Variants in SERPINA9 observed in about 807,000 individuals in gnomAD.
The protein encoded by SERPINA9 is serpin A9.
In SERPINA9, 32 loss-of-function variants were observed where a neutral mutation model predicts 24.5. The ratio of observed to expected loss-of-function variants is 1.30; its 90% CI spans 0.98 to 1.75. The LOEUF (loss-of-function observed/expected upper bound fraction) is 1.75. Among genes scored for constraint, SERPINA9 ranks in the 40% most tolerant of loss-of-function variants. The probability of loss-of-function intolerance (pLI) is 0.00; values close to 1 mark genes in which losing one functional copy is unlikely to be tolerated. For synonymous variants in SERPINA9, 233 were observed against 197.7 expected (o/e 1.18, Z -1.50); for missense variants, 594 against 497.1 (o/e 1.19, Z -1.85).
intron 1 of SERPINA9, among the ~76,000 whole-genome samples, chr14:94,473,014 T>C (rs1341780683): frequency 6.6e-6 from 1 of 152,180 alleles, no homozygotes; most frequent in African/African-American, 2.4e-5. Flanking sequence ...CTTGGTTCTG[T>C]GCCCTGGAAC....
At position 94,471,140 on chromosome 14, in the gene SERPINA9, A is replaced by G. The variant is rs535741580; in HGVS notation, c.-17-1283T>C. The stretch of plus-strand genomic sequence containing the variant: ...TCCTTTTCACAAGCACAGTGCCTTC[A>G]TAATCCCCCTTGCCCTTCATCAGAC... On this transcript the variant is annotated intron_variant, in intron 1 of 4. Coordinates refer to ENST00000674397, the MANE Select transcript of SERPINA9 (RefSeq NM_175739.4). Among the ~76,000 whole-genome samples, 34 of 140,142 alleles carry G rather than the reference A, an allele frequency of 2.4e-4. No homozygotes were observed. In the East Asian group the frequency reaches 5.6e-3, roughly 23 times the overall value. 91.9% of individuals were successfully genotyped at this position (140,142 alleles called of 152,430 possible).
At chr14:94,468,690 A>G (rs1209211591) in intron 2 of SERPINA9, among the ~76,000 whole-genome samples, 3 of 152,232 alleles carry the variant, frequency 2.0e-5, no homozygotes, top group Admixed American at 6.5e-5. Context: ...AAGCTCTAAC[A>G]TATATCTACA....
intron 1 of SERPINA9, among the ~76,000 whole-genome samples, chr14:94,474,969 C>T (rs180820672): frequency 6.6e-6 from 1 of 152,256 alleles, no homozygotes; most frequent in East Asian, 1.9e-4. Flanking sequence ...CATTCAAGAG[C>T]TTTATTTATT....
At position 94,468,109 on chromosome 14, in the gene SERPINA9, GGATAGTTTGGT is replaced by G. The variant is rs547718711; in HGVS notation, c.629-738_629-728del. ...ATGAATGACAGATGGATAAATGGGT[GGATAGTTTGGT>G]GAATGGGCAGATATAGGGTGGATAG... is the stretch of plus-strand genomic sequence containing the variant. On this transcript the variant is annotated intron_variant, in intron 2 of 4. Transcript: ENST00000674397. Among the ~76,000 whole-genome samples the G allele has an allele frequency of 4.6e-5, 7 of 152,076 alleles. No individual in the cohort carries two copies. The East Asian group carries it at 1.4e-3, about 29-fold the overall frequency.
Position 94,469,526 on chromosome 14 carries a change from T to C in SERPINA9, c.315A>G (p.Thr105=). Residue 105 remains threonine, a synonymous_variant, in exon 2 of 5, where the codon ACA becomes ACG. Transcript: ENST00000674397. ...LQGLGFNLTH[T]PESAIHQGFQ... is the part of the protein sequence containing the mutation. ...AGCCCTGGTGGATGGCAGACTCTGG[T>C]GTGTGTGTGAGGTTGAAGCCCAGGC... The C allele has an allele frequency of 6.8e-6, 11 of 1,613,848 alleles. No individual in the cohort carries two copies. The highest frequency in any genetic ancestry group is 1.6e-4 in the Middle Eastern group (1 of 6,062).
Position 94,463,150 on chromosome 14 carries a change from A to C in SERPINA9, c.1197T>G (p.Asn399Lys), listed in dbSNP as rs1898821806. 6.2e-7 allele frequency: 1 copy of C among 1,614,060 alleles called. No individual in the cohort carries two copies. Among genetic ancestry groups the C allele is most frequent in the Non-Finnish European group, 8.5e-7 (1 of 1,180,024 alleles). Residue 399 changes from asparagine to lysine, a missense_variant, in exon 5 of 5, where the codon AAT (asparagine) becomes AAG (lysine). Asn to Lys is a moderately conservative substitution (Grantham distance 94). Coordinates refer to ENST00000674397, the MANE Select transcript of SERPINA9 (RefSeq NM_175739.4). The part of the protein sequence containing the change: ...FNRTFLMMIT[N>K]KATDGILFLG... ...GAAAGAGAATACCGTCTGTGGCTTT[A>C]TTTGTAATCATCATCAGGAAGGTCC... is the stretch of plus-strand genomic sequence containing the variant.
At chr14:94,466,704 C>T (rs1899019650) in intron 3 of SERPINA9, among the ~76,000 whole-genome samples, 1 of 152,182 alleles carries the variant, frequency 6.6e-6, no homozygotes, top group Admixed American at 6.5e-5. Flanking sequence ...TACCTTTTCA[C>T]CAACCTTTGG....
At chr14:94,471,400 C>A (rs1276042615) in intron 1 of SERPINA9, among the ~76,000 whole-genome samples, 1 of 152,070 alleles carries the variant, frequency 6.6e-6, no homozygotes, top group Non-Finnish European at 1.5e-5. Flanking sequence ...CTATGTCAGA[C>A]CAAGCATAAT....
chr14:94,476,178 G>T lies in SERPINA9; in HGVS notation c.-60C>A, dbSNP rs1899642721. 6 of 1,614,064 alleles carry T rather than the reference G, an allele frequency of 3.7e-6. No individual in the cohort carries two copies. Among genetic ancestry groups the T allele is most frequent in the Non-Finnish European group, 5.1e-6 (6 of 1,180,022 alleles). ...CTCCTGCCCTGTCCTTGCATGGTTGGTGAGCCCTGACACTTGCTTACTTGG... is the reference window on the plus strand; with the variant it reads ...CTCCTGCCCTGTCCTTGCATGGTTGTTGAGCCCTGACACTTGCTTACTTGG... On this transcript the variant is annotated 5_prime_UTR_variant, in exon 1 of 5. Coordinates refer to ENST00000674397, the MANE Select transcript of SERPINA9 (RefSeq NM_175739.4).
chr14:94,464,763 C>T lies in SERPINA9; in HGVS notation c.994G>A (p.Asp332Asn). 1 of 1,613,644 alleles carries T rather than the reference C, an allele frequency of 6.2e-7. No homozygotes were observed. The highest frequency in any genetic ancestry group is 2.2e-5 in the East Asian group (1 of 44,868). The stretch of plus-strand genomic sequence containing the variant: ...ATTCCAGAAAAATCAGCATTTTTGT[C>T]AAAGACATTTTGGATGCCCATCTTC... ...LPKMGIQNVF[D>N]KNADFSGIAK... Residue 332 changes from aspartate (D) to asparagine (N), a missense_variant, in exon 4 of 5, where the codon GAC (aspartate) becomes AAC (asparagine). Transcript: ENST00000674397.
At chr14:94,465,092 A>G (rs933299240) in intron 3 of SERPINA9, among the ~76,000 whole-genome samples, 5 of 152,338 alleles carry the variant, frequency 3.3e-5, no homozygotes, top group African/African-American at 1.2e-4. Context: ...AAGTGGGTGC[A>G]GAGGTGAAAA....
intron 2 of SERPINA9, among the ~76,000 whole-genome samples, chr14:94,467,841 A>G (rs961483070): frequency 5.9e-5 from 9 of 151,528 alleles, no homozygotes; most frequent in Non-Finnish European, 1.2e-4. Flanking sequence ...CGATAGAGGG[A>G]TAGATAGATG....
Position 94,463,178 on chromosome 14 carries a change from T to C in SERPINA9, c.1169A>G (p.Asn390Ser), listed in dbSNP as rs1566788950. ...TGTAATCATCATCAGGAAGGTCCTA[T>C]TGAAGGAGACAGTGAAGTAAGAGGG... Reference protein sequence around the residue: ...DGPSYFTVSFNRTFLMMITNK... With the variant: ...DGPSYFTVSFSRTFLMMITNK... The change falls in exon 5 of 5, where the codon AAT becomes AGT. Residue 390 changes from asparagine to serine, a missense_variant. By Grantham distance (46) the Asn-to-Ser change is conservative. Coordinates refer to ENST00000674397, the MANE Select transcript of SERPINA9 (RefSeq NM_175739.4). 3.1e-6 allele frequency: 5 copies of C among 1,614,154 alleles called. No individual in the cohort carries two copies. The highest frequency in any genetic ancestry group is 4.2e-6 in the Non-Finnish European group (5 of 1,179,958).
chr14:94,464,308 T>TCTCTCC lies in SERPINA9; in HGVS notation c.1050+398_1050+399insGGAGAG, dbSNP rs1555374544. On this transcript the variant is annotated intron_variant, in intron 4 of 4. Transcript: ENST00000674397. Reference sequence around the variant, plus strand: ...CTCTCTCTCTCTCTCTCTCTCTCTCTCTCTCTCTCTCCTTACACACTGAAG... The same window carrying TCTCTCC: ...CTCTCTCTCTCTCTCTCTCTCTCTCTCTCTCCCTCTCTCTCTCCTTACACACTGAAG... 427 of 84,808 alleles carry TCTCTCC rather than the reference T, an allele frequency of 5.0e-3. 23 individuals carry two copies. Among genetic ancestry groups the TCTCTCC allele is most frequent in the African/African-American group, 0.014 (374 of 25,858 alleles). 5.3% of individuals were successfully genotyped at this position (84,808 alleles called of 1,614,324 possible).
chr14:94,470,876 A>C (rs543863137), intron 1 of SERPINA9, among the ~76,000 whole-genome samples: 1 of 152,254 alleles, frequency 6.6e-6, no homozygotes, highest in African/African-American at 2.4e-5. Flanking sequence ...ATTTCCTTTA[A>C]CACAACTTTA....
At chr14:94,467,036 C>A in intron 3 of SERPINA9, 73 bp downstream of exon 3, 1 of 1,516,436 alleles carries the variant, frequency 6.6e-7, no homozygotes. Context: ...CAGCTGTTAG[C>A]ACAATCTCTC....
In SERPINA9 at chr14:94,469,937, C is replaced by T. The variant is rs1029340522; in HGVS notation, c.-17-80G>A. ...TCAGAGACCCTTTAACACCCCCACG[C>T]CATCAGCAGCAGAATGAGGACAGAT... is the stretch of plus-strand genomic sequence containing the variant. On this transcript the variant is annotated intron_variant, in intron 1 of 4. Transcript: ENST00000674397. 14 of 1,171,428 alleles carry T rather than the reference C, an allele frequency of 1.2e-5. No homozygotes were observed. The African/African-American group carries it at 2.1e-4, about 18-fold the overall frequency. 72.6% of individuals were successfully genotyped at this position (1,171,428 alleles called of 1,614,324 possible).
chr14:94,464,664 C>T (rs764742015), intron 4 of SERPINA9, 43 bp downstream of exon 4: 28 of 1,521,232 alleles, frequency 1.8e-5, no homozygotes, highest in Non-Finnish European at 2.3e-5. Flanking sequence ...TCTGCAGGTG[C>T]TTCCAGCTTG....
rs200105282 is a variant in SERPINA9 at position 94,464,719 on chromosome 14, C to T, written c.1038G>A (p.Leu346=). Reference sequence around the variant, plus strand: ...TCATTCAACTCACTTTAGAAACCTGCAGGGAGTCTCTCTTTGCAATTCCAG... The same window carrying T: ...TCATTCAACTCACTTTAGAAACCTGTAGGGAGTCTCTCTTTGCAATTCCAG... ...DFSGIAKRDS[L]QVSKATHKAV... The change falls in exon 4 of 5, where the codon CTG becomes CTA. Residue 346 remains leucine, a synonymous_variant. Transcript: ENST00000674397. 632 of 1,613,144 alleles carry T rather than the reference C, an allele frequency of 3.9e-4. No individual in the cohort carries two copies. Among genetic ancestry groups the T allele is most frequent in the Middle Eastern group, 2.3e-3 (14 of 6,056 alleles).
Sources: gnomAD v4.1 joint callset for allele counts (sites outside exome capture counted in the v4.1 genomes callset) on GRCh38, gnomAD v4.1.1 for gene constraint, MANE v1.5 for transcripts, NCBI Gene and HGNC (gene_info 2026-07-23, HGNC 2026-07-21) for gene names.